Variants in ZNF254 observed in about 807,000 individuals in gnomAD.
ZNF254 encodes zinc finger protein 254, also known as CTD-2017D11.1.
In ZNF254, 10 loss-of-function variants were observed where a neutral mutation model predicts 12.4. That is an observed-to-expected ratio of 0.80 (90% CI 0.50 to 1.36). The LOEUF is 1.36. ZNF254 is among the 40% of genes most tolerant of loss of function. The pLI, the probability that ZNF254 is intolerant of heterozygous loss-of-function variation, is 0.00. For missense variants in ZNF254, 996 were observed against 763.9 expected (o/e 1.30, Z -3.58); for synonymous variants, 305 against 253.4 (o/e 1.20, Z -1.93).
At chr19:24,094,239 TC>T (rs930414893) in intron 1 of ZNF254, among the ~76,000 whole-genome samples, 68 of 152,284 alleles carry the variant, frequency 4.5e-4, no homozygotes, top group African/African-American at 1.6e-3. Context: ...CTTCCTCTCT[TC>T]CTGTTTAAAT....
chr19:24,111,392 G>C (rs1468416516), intron 3 of ZNF254, among the ~76,000 whole-genome samples: 5 of 152,104 alleles, frequency 3.3e-5, no homozygotes, highest in African/African-American at 1.2e-4. Flanking sequence ...TTGCTATTGT[G>C]AATACTGCCA....
chr19:24,061,695 ATC>A (rs772666979), intron 2 of ZNF254, among the ~76,000 whole-genome samples: 1 of 152,166 alleles, frequency 6.6e-6, no homozygotes, highest in South Asian at 2.1e-4. Flanking sequence ...GGTAACATAT[ATC>A]TCGGCCCAGC....
chr19:24,076,229 T>G (rs1971653276), intron 2 of ZNF254, among the ~76,000 whole-genome samples: 1 of 152,222 alleles, frequency 6.6e-6, no homozygotes, highest in Admixed American at 6.5e-5. Context: ...CCATGAAATC[T>G]TCACAATTTC....
At chr19:24,118,761 A>G (rs1042836734) in intron 3 of ZNF254, among the ~76,000 whole-genome samples, 3 of 152,172 alleles carry the variant, frequency 2.0e-5, no homozygotes, top group East Asian at 1.9e-4. Flanking sequence ...TGTTGTAGCT[A>G]AGAAAATGGC....
intron 1 of ZNF254, among the ~76,000 whole-genome samples, chr19:24,089,147 TGTGTTTTTA>T (rs1392183798): frequency 6.6e-6 from 1 of 152,032 alleles, no homozygotes; most frequent in Non-Finnish European, 1.5e-5. Flanking sequence ...TGGCTAATTT[TGTGTTTTTA>T]GTAAAGACAG....
chr19:24,117,016 G>T (rs55989868), intron 3 of ZNF254, among the ~76,000 whole-genome samples: 323 of 152,106 alleles, frequency 2.1e-3, no homozygotes, highest in African/African-American at 7.5e-3. Flanking sequence ...GCTGATTTTC[G>T]TGAACCGCGA....
rs185815962 is a variant in ZNF254, at chr19:24,119,606, C to A, written c.254-6648C>A. On this transcript the variant is annotated intron_variant, in intron 3 of 3. Transcript: ENST00000357002. ...CCAAACTTAGAAGATTCTCTGATTG[C>A]AGCCTCTCAGGTAGCTGGGTTACAA... 2.0e-5 allele frequency among the ~76,000 whole-genome samples: 3 copies of A among 152,204 alleles called. No homozygotes were observed. In the East Asian group the frequency reaches 5.8e-4, roughly 29 times the overall value.
At chr19:24,037,531 T>G (rs1970010864) in intron 1 of ZNF254, among the ~76,000 whole-genome samples, 1 of 152,242 alleles carries the variant, frequency 6.6e-6, no homozygotes, top group Non-Finnish European at 1.5e-5. Flanking sequence ...CCTCCTGGGC[T>G]CAAGCAGTTC....
At chr19:24,119,005 G>T (rs994879536) in intron 3 of ZNF254, among the ~76,000 whole-genome samples, 1 of 151,756 alleles carries the variant, frequency 6.6e-6, no homozygotes, top group East Asian at 1.9e-4. Context: ...CAGGCTACTC[G>T]GGAGGCTGAG....
chr19:24,066,991 C>A (rs1169219444), intron 2 of ZNF254: 1 of 152,108 alleles, frequency 6.6e-6, no homozygotes, highest in African/African-American at 2.4e-5. Flanking sequence ...CTGGTCTCTG[C>A]CCCCAGGAAG....
At position 24,128,131 on chromosome 19, in the gene ZNF254, A is replaced by G. The variant is rs1346520700; in HGVS notation, c.*151A>G. ...ATCATTCTGCTGAAAAATCCTAGAA[A>G]TGTGAAGAATGTGAAAAAGCCTTTA... On this transcript the variant is annotated 3_prime_UTR_variant, in exon 4 of 4. Coordinates refer to ENST00000357002, the MANE Select transcript of ZNF254 (RefSeq NM_203282.4). 1.4e-6 allele frequency: 1 copy of G among 736,732 alleles called. No individual in the cohort carries two copies. The highest frequency in any genetic ancestry group is 2.0e-6 in the Non-Finnish European group (1 of 505,772). 45.6% of individuals were successfully genotyped at this position (736,732 alleles called of 1,614,324 possible). A position where few individuals can be genotyped will look rare whatever the true frequency, so the allele number is the denominator to read the frequency against.
At chr19:24,108,968 A>AGG (rs1398215515) in intron 3 of ZNF254, among the ~76,000 whole-genome samples, 1 of 152,174 alleles carries the variant, frequency 6.6e-6, no homozygotes, top group Non-Finnish European at 1.5e-5. Flanking sequence ...ATCCTGGCTA[A>AGG]CACGATGAAA....
chr19:24,076,381 T>G (rs1340603390), intron 2 of ZNF254, among the ~76,000 whole-genome samples: 1 of 152,216 alleles, frequency 6.6e-6, no homozygotes, highest in Admixed American at 6.5e-5. Flanking sequence ...CCTGACTTCC[T>G]GCAACATATC....
chr19:24,123,750 A>G lies in ZNF254; in HGVS notation c.254-2504A>G, dbSNP rs10423463. On this transcript the variant is annotated intron_variant, in intron 3 of 3. Coordinates refer to ENST00000357002, the MANE Select transcript of ZNF254 (RefSeq NM_203282.4). ...AAAGTACATTTTATAAAATATTATAATTTTTGACTTAAGATGTAGCTTGTG... is the reference window on the plus strand; with the variant it reads ...AAAGTACATTTTATAAAATATTATAGTTTTTGACTTAAGATGTAGCTTGTG... Among the ~76,000 whole-genome samples, 807 of 152,106 alleles carry G rather than the reference A, an allele frequency of 5.3e-3. 7 individuals carry two copies. Among genetic ancestry groups the G allele is most frequent in the African/African-American group, 0.019 (780 of 41,546 alleles).
chr19:24,120,529 T>C (rs1464246883), intron 3 of ZNF254, among the ~76,000 whole-genome samples: 1 of 152,172 alleles, frequency 6.6e-6, no homozygotes, highest in Non-Finnish European at 1.5e-5. Flanking sequence ...ATCATCATTA[T>C]GATAGTAAAG....
intron 1 of ZNF254, among the ~76,000 whole-genome samples, chr19:24,092,523 G>A (rs1473821183): frequency 2.0e-5 from 3 of 151,986 alleles, no homozygotes; most frequent in Non-Finnish European, 4.4e-5. Flanking sequence ...CTACAGGCAT[G>A]CACCACCATA....
chr19:24,062,838 TTACC>T (rs1971127240), intron 2 of ZNF254, among the ~76,000 whole-genome samples: 1 of 152,186 alleles, frequency 6.6e-6, no homozygotes, highest in East Asian at 1.9e-4. Flanking sequence ...TTTGCTCTTG[TTACC>T]GAGGCTGGAG....
chr19:24,039,367 A>AC (rs1181276726), intron 1 of ZNF254, among the ~76,000 whole-genome samples: 1 of 152,172 alleles, frequency 6.6e-6, no homozygotes, highest in Admixed American at 6.5e-5. Context: ...CATGAATGCA[A>AC]CCCCATCTCC....
At chr19:24,036,039 G>A (rs1344574195) in intron 1 of ZNF254, among the ~76,000 whole-genome samples, 2 of 150,504 alleles carry the variant, frequency 1.3e-5, no homozygotes, top group Non-Finnish European at 3.0e-5. Context: ...GTAAATGCAA[G>A]TATAATGCTT....
Sources: gnomAD v4.1 joint callset for allele counts (sites outside exome capture counted in the v4.1 genomes callset) on GRCh38, gnomAD v4.1.1 for gene constraint, MANE v1.5 for transcripts, NCBI Gene and HGNC (gene_info 2026-07-23, HGNC 2026-07-21) for gene names.